Variants in PRKCD observed in about 807,000 individuals in gnomAD.
The protein encoded by PRKCD is protein kinase C delta, also known as protein kinase C delta type.
PRKCD carries 20 observed loss-of-function variants against 82.2 expected under a neutral mutation model. The ratio of observed to expected loss-of-function variants is 0.24; its 90% CI spans 0.17 to 0.35. The LOEUF (loss-of-function observed/expected upper bound fraction) is 0.35, where lower values mean the gene tolerates loss of function less well. PRKCD is among the 10% of genes least tolerant of loss of function. The probability of loss-of-function intolerance (pLI) is 1.00; values close to 1 mark genes in which losing one functional copy is unlikely to be tolerated. For synonymous variants in PRKCD, 317 were observed against 337.0 expected, an observed-to-expected ratio of 0.94 and a Z score of 0.65; for missense variants, 607 against 899.0, an observed-to-expected ratio of 0.68 and a Z score of 4.15.
At position 53,181,625 on chromosome 3, in the gene PRKCD, C is replaced by T. The variant is rs1356795095; in HGVS notation, c.539+19C>T. The T allele has an allele frequency of 6.2e-7, 1 of 1,614,138 alleles. No homozygotes were observed. Among genetic ancestry groups the T allele is most frequent in the Non-Finnish European group, 8.5e-7 (1 of 1,179,960 alleles). On this transcript the variant is annotated intron_variant, in intron 6 of 18. Transcript: ENST00000330452. ...TTGTCTGGTGAGAACCGGCCATGCC[C>T]ACTGGTGGTGGTGCAGGGTAGTGGG...
chr3:53,188,187 CAAAAAAA>C (rs557772373), intron 15 of PRKCD, among the ~76,000 whole-genome samples: 54 of 45,586 alleles, frequency 1.2e-3, no homozygotes, highest in South Asian at 6.8e-3. Flanking sequence ...GACTGTGTCT[CAAAAAAA>C]AAAAAAAAAA....
intron 2 of PRKCD, among the ~76,000 whole-genome samples, chr3:53,166,524 C>T (rs1470097423): frequency 7.9e-5 from 12 of 152,218 alleles, no homozygotes; most frequent in African/African-American, 2.9e-4. Context: ...ACGTGCACCA[C>T]ACATGTGGGC....
chr3:53,181,571 A>G lies in PRKCD; in HGVS notation c.504A>G (p.Gln168=). The change falls in exon 6 of 19, where the codon CAA becomes CAG. Residue 168 remains glutamine (Q), a synonymous_variant. Transcript: ENST00000330452. ...NHEFIATFFG[Q]PTFCSVCKDF... ...AGTTTATCGCCACCTTCTTTGGGCA[A>G]CCCACCTTCTGTTCTGTGTGCAAAG... The G allele has an allele frequency of 1.2e-6, 2 of 1,614,218 alleles. No homozygotes were observed. The highest frequency in any genetic ancestry group is 1.7e-6 in the Non-Finnish European group (2 of 1,180,026).
intron 7 of PRKCD, 109 bp from the exon 8 acceptor site, chr3:53,183,012 A>G: frequency 9.1e-7 from 1 of 1,099,028 alleles, no homozygotes; most frequent in Non-Finnish European, 1.4e-6. Flanking sequence ...GGCGGTCAGG[A>G]GAACGGTGGC....
In PRKCD at chr3:53,184,886, A is replaced by G; in HGVS notation, c.800A>G (p.Asn267Ser). ...TCCCTCACCCCAGACTGCGGCATGA[A>G]TGTGCACCATAAATGCCGGGAGAAG... ...QGLKCEDCGM[N>S]VHHKCREKVA... Residue 267 changes from asparagine (N) to serine (S), a missense_variant, in exon 10 of 19, where the codon AAT (asparagine) becomes AGT (serine). By Grantham distance (46) the Asn-to-Ser change is conservative (BLOSUM62 1). Around this residue, in one of 5 missense-constraint regions of PRKCD, gnomAD observed 109 missense variants for 155.6 expected, o/e 0.70. Coordinates refer to ENST00000330452, the MANE Select transcript of PRKCD (RefSeq NM_006254.4). The G allele has an allele frequency of 1.9e-6, 3 of 1,613,622 alleles. No individual in the cohort carries two copies. The highest frequency in any genetic ancestry group is 1.1e-5 in the South Asian group (1 of 91,078).
intron 14 of PRKCD, 151 bp from the exon 15 acceptor site, chr3:53,187,189 G>GATGTA (rs1553669412): frequency 1.1e-6 from 1 of 899,758 alleles, no homozygotes; most frequent in African/African-American, 1.6e-5. Context: ...GCCCCCACTT[G>GATGTA]CCTGATACAA....
At chr3:53,188,637 C>T (rs1405306392) in intron 15 of PRKCD, 83 bp from the exon 16 acceptor site, 12 of 1,556,762 alleles carry the variant, frequency 7.7e-6, no homozygotes, top group East Asian at 6.8e-5. Flanking sequence ...TGGACTAATA[C>T]GGCTGAAAAT....
chr3:53,173,827 G>A (rs1471092729), intron 2 of PRKCD, among the ~76,000 whole-genome samples: 2 of 152,062 alleles, frequency 1.3e-5, no homozygotes, highest in African/African-American at 4.8e-5. Flanking sequence ...GCGAGGTCAC[G>A]GGGGAAGACC....
intron 18 of PRKCD, among the ~76,000 whole-genome samples, chr3:53,191,247 A>G (rs534104340): frequency 6.6e-6 from 1 of 152,248 alleles, no homozygotes; most frequent in South Asian, 2.1e-4. Flanking sequence ...ACTACAAAAA[A>G]TACAAAAAAA....
chr3:53,185,084 G>A, intron 10 of PRKCD, 110 bp downstream of exon 10: 1 of 955,614 alleles, frequency 1.0e-6, no homozygotes, highest in Non-Finnish European at 1.6e-6. Flanking sequence ...TTTAGACCCA[G>A]GACTCTACTT....
At chr3:53,183,672 T>A in intron 9 of PRKCD, 91 bp downstream of exon 9, 1 of 1,527,654 alleles carries the variant, frequency 6.5e-7, no homozygotes, top group Non-Finnish European at 8.9e-7. Context: ...CCTCGCCTCC[T>A]CACCTGGAGA....
intron 14 of PRKCD, among the ~76,000 whole-genome samples, chr3:53,187,076 T>TG (rs1703730519): frequency 6.6e-6 from 1 of 152,186 alleles, no homozygotes; most frequent in Non-Finnish European, 1.5e-5. Context: ...TGTGTGTGTG[T>TG]GCATGCATGC....
At chr3:53,186,424 C>G in intron 13 of PRKCD, 84 bp downstream of exon 13, 1 of 1,536,710 alleles carries the variant, frequency 6.5e-7, no homozygotes, top group Non-Finnish European at 8.9e-7. Context: ...GGCTGTGTCT[C>G]CCCTTCAGGC....
chr3:53,183,674 A>G, intron 9 of PRKCD, 93 bp downstream of exon 9: 1 of 1,514,414 alleles, frequency 6.6e-7, no homozygotes, highest in East Asian at 2.3e-5. Flanking sequence ...TCGCCTCCTC[A>G]CCTGGAGACG....
Position 53,181,698 on chromosome 3 carries a change from C to T in PRKCD, c.540-3C>T, listed in dbSNP as rs371566937. The T allele has an allele frequency of 1.9e-6, 3 of 1,612,462 alleles. No homozygotes were observed. In the African/African-American group the frequency reaches 4.0e-5, roughly 22 times the overall value. ...CTCACTTTGCCTGGGTTTTGCCTTT[C>T]AGGGGCCTCAACAAGCAAGGCTACA... On this transcript the variant is annotated splice_polypyrimidine_tract_variant and splice_region_variant and intron_variant, in intron 6 of 18. Coordinates refer to ENST00000330452, the MANE Select transcript of PRKCD (RefSeq NM_006254.4).
rs782810196 is a variant in PRKCD at position 53,178,447 on chromosome 3, T to C, written c.25T>C (p.Phe9Leu). The C allele has an allele frequency of 1.9e-6, 3 of 1,612,526 alleles. No individual in the cohort carries two copies. The highest frequency in any genetic ancestry group is 2.5e-6 in the Non-Finnish European group (3 of 1,179,712). Residue 9 changes from phenylalanine (F) to leucine (L), a missense_variant, in exon 3 of 19, where the codon TTC (phenylalanine) becomes CTC (leucine). Phe to Leu is a conservative substitution (Grantham distance 22). Around this residue, in one of 5 missense-constraint regions of PRKCD, gnomAD observed 161 missense variants for 227.0 expected, o/e 0.71. Transcript: ENST00000330452. Reference sequence around the variant, plus strand: ...CATGGCGCCGTTCCTGCGCATCGCCTTCAACTCCTATGAGCTGGGCTCCCT... The same window carrying C: ...CATGGCGCCGTTCCTGCGCATCGCCCTCAACTCCTATGAGCTGGGCTCCCT... MAPFLRIA[F>L]NSYELGSLQA...
chr3:53,190,365 G>A (rs528958447), intron 18 of PRKCD, among the ~76,000 whole-genome samples: 47 of 152,298 alleles, frequency 3.1e-4, no homozygotes, highest in African/African-American at 1.0e-3. Flanking sequence ...TCCCAGAACC[G>A]GAGGAGCTCT....
Position 53,185,627 on chromosome 3 carries a change from A to G in PRKCD, c.912A>G (p.Ser304=), listed in dbSNP as rs529176751. The change falls in exon 11 of 19, where the codon TCA becomes TCG. Residue 304 remains serine, a synonymous_variant. Transcript: ENST00000330452. Reference sequence around the variant, plus strand: ...AGAGAGCCTCCCGGAGATCAGACTCAGCCTCCTCAGAGCCTGTTGGGATAT... The same window carrying G: ...AGAGAGCCTCCCGGAGATCAGACTCGGCCTCCTCAGAGCCTGTTGGGATAT... ...VTQRASRRSD[S]ASSEPVGIYQ... is the part of the protein sequence containing the mutation. 1,185 of 1,613,486 alleles carry G rather than the reference A, an allele frequency of 7.3e-4. 16 individuals carry two copies. In the South Asian group the frequency reaches 0.012, roughly 17 times the overall value.
At position 53,165,111 on chromosome 3, in the gene PRKCD, G is replaced by A. The variant is rs1025486506; in HGVS notation, c.-124G>A. The A allele has an allele frequency of 3.3e-5, 5 of 152,224 alleles. No individual in the cohort carries two copies. Among genetic ancestry groups the A allele is most frequent in the African/African-American group, 1.2e-4 (5 of 41,422 alleles). 9.4% of individuals were successfully genotyped at this position (152,224 alleles called of 1,614,324 possible). A position where few individuals can be genotyped will look rare whatever the true frequency, so the allele number is the denominator to read the frequency against. On this transcript the variant is annotated 5_prime_UTR_variant, in exon 2 of 19. Transcript: ENST00000330452. ...TTCCTCCTGTTCCTACAGGTCTGCA[G>A]GGAACTGGCCAGGCAAGGGGGCAGG...
Sources: gnomAD v4.1 joint callset for allele counts (sites outside exome capture counted in the v4.1 genomes callset) on GRCh38, gnomAD v4.1.1 for gene constraint, gnomAD v4.1.1 regional missense constraint, MANE v1.5 for transcripts, NCBI Gene and HGNC (gene_info 2026-07-23, HGNC 2026-07-21) for gene names.